Variants in FHOD3 observed in about 807,000 individuals in gnomAD.
The protein encoded by FHOD3 is formin homology 2 domain containing 3, also known as FH1/FH2 domain-containing protein 3.
FHOD3 carries 90 observed loss-of-function variants against 173.0 expected under a neutral mutation model. The observed-to-expected ratio is 0.52, with a 90% confidence interval of 0.44 to 0.62. The LOEUF (loss-of-function observed/expected upper bound fraction) is 0.62. Ranked by LOEUF, FHOD3 falls within the 20% of genes least tolerant of loss-of-function variation. The pLI, the probability that FHOD3 is intolerant of heterozygous loss-of-function variation, is 0.00. For missense variants in FHOD3, 1,945 were observed against 2,034.7 expected (o/e 0.96, Z 0.85); for synonymous variants, 828 against 823.0 (o/e 1.01, Z -0.10).
At chr18:36,777,759 C>G (rs2043788674) in intron 28 of FHOD3, 1 of 152,096 alleles carries the variant, frequency 6.6e-6, no homozygotes, top group Admixed American at 6.6e-5. Flanking sequence ...TCTTGTTGAG[C>G]CAAACATTCA....
intron 3 of FHOD3, among the ~76,000 whole-genome samples, chr18:36,446,910 G>A (rs2051517728): frequency 1.3e-5 from 2 of 152,048 alleles, no homozygotes; most frequent in Non-Finnish European, 2.9e-5. Context: ...ATAAGAGGAG[G>A]GCTGACTGGG....
chr18:36,616,097 G>T (rs2033171285), intron 9 of FHOD3, among the ~76,000 whole-genome samples: 1 of 152,198 alleles, frequency 6.6e-6, no homozygotes, highest in Non-Finnish European at 1.5e-5. Context: ...TGGCTCCTAA[G>T]ATACAAGATG....
At chr18:36,735,298 C>T (rs556071182) in intron 20 of FHOD3, among the ~76,000 whole-genome samples, 21 of 152,282 alleles carry the variant, frequency 1.4e-4, no homozygotes, top group African/African-American at 2.2e-4. Context: ...TGCCCAGCTG[C>T]GCAGGTGCTG....
intron 3 of FHOD3, among the ~76,000 whole-genome samples, chr18:36,374,531 C>G (rs2047340517): frequency 6.6e-6 from 1 of 152,170 alleles, no homozygotes; most frequent in Non-Finnish European, 1.5e-5. Context: ...GGAAAAGACT[C>G]AAAATTAGTC....
At chr18:36,418,181 T>G (rs1354897128) in intron 3 of FHOD3, among the ~76,000 whole-genome samples, 3 of 152,218 alleles carry the variant, frequency 2.0e-5, no homozygotes, top group African/African-American at 7.2e-5. Flanking sequence ...GTGGCTTCAA[T>G]CCATTTAGAC....
At chr18:36,302,402 G>T (rs147778114) in intron 1 of FHOD3, among the ~76,000 whole-genome samples, 38 of 151,832 alleles carry the variant, frequency 2.5e-4, no homozygotes, top group Non-Finnish European at 1.3e-4. Context: ...CCTCCCCCCC[G>T]ACCTGCTGAA....
intron 7 of FHOD3, among the ~76,000 whole-genome samples, chr18:36,598,203 C>G (rs2030792484): frequency 6.6e-6 from 1 of 152,146 alleles, no homozygotes; most frequent in Non-Finnish European, 1.5e-5. Flanking sequence ...AGACTCATTC[C>G]TCAGCAGGGA....
At chr18:36,621,081 A>T (rs1225548230) in intron 9 of FHOD3, among the ~76,000 whole-genome samples, 5 of 152,218 alleles carry the variant, frequency 3.3e-5, no homozygotes, top group African/African-American at 4.8e-5. Flanking sequence ...ATCCATGTTT[A>T]ATTAAATTCA....
chr18:36,623,896 C>T (rs1245058810), intron 9 of FHOD3, among the ~76,000 whole-genome samples: 3 of 152,226 alleles, frequency 2.0e-5, no homozygotes, highest in Admixed American at 2.0e-4. Context: ...CCTGGCCTTG[C>T]CTCAGCCGAG....
intron 9 of FHOD3, among the ~76,000 whole-genome samples, chr18:36,624,158 G>A (rs1008320492): frequency 2.0e-5 from 3 of 152,162 alleles, no homozygotes; most frequent in African/African-American, 7.2e-5. Flanking sequence ...GGGCATCTTA[G>A]GTCACTTCCT....
intron 14 of FHOD3, among the ~76,000 whole-genome samples, chr18:36,673,897 T>TA (rs1341078056): frequency 3.3e-5 from 5 of 152,208 alleles, no homozygotes; most frequent in African/African-American, 4.8e-5. Context: ...ATCCCTCTGA[T>TA]ATATATATTT....
intron 3 of FHOD3, among the ~76,000 whole-genome samples, chr18:36,376,536 G>A (rs912216979): frequency 6.6e-6 from 1 of 152,220 alleles, no homozygotes; most frequent in Non-Finnish European, 1.5e-5. Flanking sequence ...AGATGATGAG[G>A]TCTGCTTGTG....
At chr18:36,559,943 T>G (rs1017236088) in intron 5 of FHOD3, among the ~76,000 whole-genome samples, 1 of 152,134 alleles carries the variant, frequency 6.6e-6, no homozygotes, top group African/African-American at 2.4e-5. Flanking sequence ...AGGTATCCAT[T>G]GGGAAAGACA....
At chr18:36,723,684 A>G (rs1290182049) in intron 19 of FHOD3, among the ~76,000 whole-genome samples, 1 of 152,164 alleles carries the variant, frequency 6.6e-6, no homozygotes, top group African/African-American at 2.4e-5. Flanking sequence ...CTTTCATGGA[A>G]GTGCTCTCAG....
Position 36,769,396 on chromosome 18 carries a change from A to G in FHOD3, c.4756A>G (p.Arg1586Gly). 1 of 1,614,062 alleles carries G rather than the reference A, an allele frequency of 6.2e-7. No individual in the cohort carries two copies. Among genetic ancestry groups the G allele is most frequent in the Non-Finnish European group, 8.5e-7 (1 of 1,180,000 alleles). The change falls in exon 28 of 29, where the codon AGG becomes GGG. Residue 1586 changes from arginine to glycine, a missense_variant. Physicochemically the swap from Arg to Gly is moderately radical, Grantham distance 125. Coordinates refer to ENST00000590592, the MANE Select transcript of FHOD3 (RefSeq NM_001281740.3). ...VPSQRVVPRE[R>G]KRSRANRKSL... ...CAGTCAGCGAGTGGTGCCGAGGGAG[A>G]GGAAACGATCCCGGGCCAACCGGAA...
At chr18:36,323,311 T>C (rs889972063) in intron 1 of FHOD3, among the ~76,000 whole-genome samples, 1 of 152,182 alleles carries the variant, frequency 6.6e-6, no homozygotes, top group Admixed American at 6.5e-5. Context: ...TTTTTGTTTT[T>C]TGTTTTTGAG....
chr18:36,490,652 C>T (rs575961707), intron 3 of FHOD3, among the ~76,000 whole-genome samples: 1 of 152,270 alleles, frequency 6.6e-6, no homozygotes, highest in Admixed American at 6.5e-5. Flanking sequence ...GGTTTCAGCT[C>T]CTGCAATACT....
rs988302129 is a variant in FHOD3, at chr18:36,657,777, T to C, written c.1722-298T>C. ...GAAATTGATTTGGATTTTTAATTTA[T>C]GTTAGCAAATAATTTTAACGTACAT... On this transcript the variant is annotated intron_variant, in intron 13 of 28. Coordinates refer to ENST00000590592, the MANE Select transcript of FHOD3 (RefSeq NM_001281740.3). Among the ~76,000 whole-genome samples, 6 of 152,258 alleles carry C rather than the reference T, an allele frequency of 3.9e-5. No homozygotes were observed. In the East Asian group the frequency reaches 1.2e-3, roughly 29 times the overall value.
chr18:36,763,318 C>T (rs947638004), intron 27 of FHOD3, among the ~76,000 whole-genome samples: 14 of 129,270 alleles, frequency 1.1e-4, no homozygotes, highest in South Asian at 7.1e-4. Context: ...ATACAATATG[C>T]GTATTATACA....
Sources: allele counts gnomAD v4.1 joint callset (sites outside exome capture counted in the v4.1 genomes callset), GRCh38; gene constraint gnomAD v4.1.1; transcripts MANE v1.5; gene names NCBI Gene and HGNC (gene_info 2026-07-23, HGNC 2026-07-21).